Variants in NEO1 observed in about 807,000 individuals in gnomAD.
NEO1 encodes neogenin 1.
A neutral mutation model predicts 159.7 loss-of-function variants in NEO1; 63 were observed. That is an observed-to-expected ratio of 0.39 (90% CI 0.32 to 0.49). NEO1 has a LOEUF of 0.49. NEO1 is among the 20% of genes least tolerant of loss of function. NEO1 has a pLI of 0.85. For synonymous variants in NEO1, 633 were observed against 662.0 expected (o/e 0.96, Z 0.67); for missense variants, 1,615 against 1,831.0 (o/e 0.88, Z 2.15).
At chr15:73,092,920 A>G (rs890967606) in intron 1 of NEO1, among the ~76,000 whole-genome samples, 3 of 152,274 alleles carry the variant, frequency 2.0e-5, no homozygotes, top group Middle Eastern at 3.4e-3. Flanking sequence ...CTCAGTTTTT[A>G]GTTTTTAACC....
chr15:73,238,284 T>G (rs1198032805), intron 8 of NEO1, among the ~76,000 whole-genome samples: 40 of 142,748 alleles, frequency 2.8e-4, no homozygotes, highest in Non-Finnish European at 4.6e-4. Flanking sequence ...TTTTTTTTTT[T>G]TTTTTTTTTT....
Position 73,293,427 on chromosome 15 carries a change from C to G in NEO1, c.3780C>G (p.Asn1260Lys). The G allele has an allele frequency of 2.5e-6, 4 of 1,614,196 alleles. No individual in the cohort carries two copies. The highest frequency in any genetic ancestry group is 2.2e-5 in the South Asian group (2 of 91,092). ...ISAHPIHSLDNPHHHFHSSSL... is the reference protein window; with the variant it reads ...ISAHPIHSLDKPHHHFHSSSL... Reference sequence around the variant, plus strand: ...CCCATCCCATCCATTCCCTCGATAACCCTCACCATCATTTCCACTCCAGCA... The same window carrying G: ...CCCATCCCATCCATTCCCTCGATAAGCCTCACCATCATTTCCACTCCAGCA... The change falls in exon 26 of 29, where the codon AAC becomes AAG. Residue 1260 changes from asparagine to lysine, a missense_variant. Physicochemically the swap from Asn to Lys is moderately conservative, Grantham distance 94. Coordinates refer to ENST00000261908, the MANE Select transcript of NEO1 (RefSeq NM_002499.4).
chr15:73,285,397 T>C (rs1191288100), intron 23 of NEO1, among the ~76,000 whole-genome samples: 1 of 152,204 alleles, frequency 6.6e-6, no homozygotes, highest in Admixed American at 6.5e-5. Flanking sequence ...GTACTCAGTC[T>C]TCAGATTGAA....
intron 1 of NEO1, among the ~76,000 whole-genome samples, chr15:73,067,921 A>G (rs58859253): frequency 0.098 from 14,889 of 151,918 alleles, 1,004 homozygotes; most frequent in African/African-American, 0.19. Context: ...GGGCCCTGAA[A>G]TGGATGATTT....
At chr15:73,215,039 A>G (rs556252847) in intron 7 of NEO1, among the ~76,000 whole-genome samples, 5 of 152,156 alleles carry the variant, frequency 3.3e-5, no homozygotes, top group South Asian at 2.1e-4. Context: ...TTTTGCAGCT[A>G]TTATAAAAGG....
At chr15:73,087,117 A>G (rs377007148) in intron 1 of NEO1, among the ~76,000 whole-genome samples, 2 of 152,310 alleles carry the variant, frequency 1.3e-5, no homozygotes, top group African/African-American at 4.8e-5. Flanking sequence ...TTTACCATTA[A>G]GTATGATGTT....
At chr15:73,057,498 C>T (rs1460743838) in intron 1 of NEO1, among the ~76,000 whole-genome samples, 1 of 152,134 alleles carries the variant, frequency 6.6e-6, no homozygotes, top group African/African-American at 2.4e-5. Context: ...GAGGAAATGA[C>T]TGTAGGTAAG....
intron 2 of NEO1, among the ~76,000 whole-genome samples, chr15:73,118,642 C>T (rs2071456386): frequency 6.6e-6 from 1 of 152,112 alleles, no homozygotes; most frequent in African/African-American, 2.4e-5. Context: ...CTTCAGGAAG[C>T]ATTTTTTTGA....
intron 5 of NEO1, among the ~76,000 whole-genome samples, chr15:73,137,139 AC>A (rs1818838362): frequency 6.6e-6 from 1 of 152,166 alleles, no homozygotes; most frequent in Non-Finnish European, 1.5e-5. Context: ...AGTGGTTGGT[AC>A]CCTTGATGCA....
At chr15:73,189,806 T>C (rs965842602) in intron 7 of NEO1, among the ~76,000 whole-genome samples, 3 of 152,230 alleles carry the variant, frequency 2.0e-5, no homozygotes, top group African/African-American at 7.2e-5. Flanking sequence ...CATTTTTGCA[T>C]ATCACTGGAA....
At chr15:73,250,740 A>G (rs975863629) in intron 11 of NEO1, among the ~76,000 whole-genome samples, 3 of 152,204 alleles carry the variant, frequency 2.0e-5, no homozygotes, top group Non-Finnish European at 2.9e-5. Flanking sequence ...TAGAATCTAG[A>G]TTAAAGAAGA....
intron 7 of NEO1, among the ~76,000 whole-genome samples, chr15:73,185,307 G>T (rs752403619): frequency 1.3e-5 from 2 of 152,304 alleles, no homozygotes; most frequent in East Asian, 3.9e-4. Flanking sequence ...CTCAATACAG[G>T]TTATTCAATT....
intron 3 of NEO1, among the ~76,000 whole-genome samples, 155 bp from the exon 4 acceptor site, chr15:73,126,262 G>A (rs1368332163): frequency 6.6e-6 from 1 of 152,170 alleles, no homozygotes; most frequent in Non-Finnish European, 1.5e-5. Context: ...TAATGATGGG[G>A]TCTTGCTATA....
chr15:73,264,316 A>G (rs2040783229), intron 15 of NEO1, among the ~76,000 whole-genome samples: 1 of 152,246 alleles, frequency 6.6e-6, no homozygotes, highest in Non-Finnish European at 1.5e-5. Context: ...TCAGTCTAAC[A>G]GAACAAAAAG....
At chr15:73,201,477 C>G (rs1480318092) in intron 7 of NEO1, among the ~76,000 whole-genome samples, 3 of 151,736 alleles carry the variant, frequency 2.0e-5, no homozygotes, top group Admixed American at 2.0e-4. Context: ...ATTTTATGTC[C>G]CAGATGTTGT....
rs142420304 is a variant in NEO1 at position 73,147,563 on chromosome 15, A to G, written c.1015+11536A>G. Among the ~76,000 whole-genome samples the G allele has an allele frequency of 6.6e-4, 100 of 152,260 alleles. 2 individuals carry two copies. The East Asian group carries it at 0.014, about 21-fold the overall frequency. On this transcript the variant is annotated intron_variant, in intron 5 of 28. Transcript: ENST00000261908. ...GACAAAATACTAGTAAATATTCTTC[A>G]TTCTTTATTTAAAGAGCATAACAAT...
Position 73,236,519 on chromosome 15 carries a change from G to A in NEO1, c.1451+13G>A, listed in dbSNP as rs1356407789. 1.2e-6 allele frequency: 2 copies of A among 1,612,682 alleles called. No homozygotes were observed. The highest frequency in any genetic ancestry group is 2.7e-5 in the African/African-American group (2 of 74,930). ...AAGGGATTGCTAGGTAAGTGCCTGT[G>A]TGTCTGCAGCCAGTTGGCTGCCTCT... On this transcript the variant is annotated intron_variant, in intron 8 of 28. Coordinates refer to ENST00000261908, the MANE Select transcript of NEO1 (RefSeq NM_002499.4).
At chr15:73,082,743 A>C (rs2069137484) in intron 1 of NEO1, among the ~76,000 whole-genome samples, 2 of 152,310 alleles carry the variant, frequency 1.3e-5, no homozygotes, top group South Asian at 4.1e-4. Context: ...GGTATACATG[A>C]TAAAATAGTG....
intron 5 of NEO1, among the ~76,000 whole-genome samples, chr15:73,149,784 G>A (rs2033224513): frequency 6.6e-6 from 1 of 152,038 alleles, no homozygotes; most frequent in Non-Finnish European, 1.5e-5. Flanking sequence ...TTTGATACAT[G>A]CATTCAGTAT....
Sources: gnomAD v4.1 joint callset for allele counts (sites outside exome capture counted in the v4.1 genomes callset) on GRCh38, gnomAD v4.1.1 for gene constraint, MANE v1.5 for transcripts, NCBI Gene and HGNC (gene_info 2026-07-23, HGNC 2026-07-21) for gene names.